PPARGC1A: variants seen among roughly 807,000 people sequenced by gnomAD.
The protein encoded by PPARGC1A is PPARG coactivator 1 alpha.
Under a neutral mutation model 88.7 loss-of-function variants are expected in PPARGC1A, and 25 were observed. The ratio of observed to expected loss-of-function variants is 0.28; its 90% confidence interval spans 0.21 to 0.39. The LOEUF is 0.39. Among genes scored for constraint, PPARGC1A ranks in the 10% least tolerant of loss-of-function variants. The pLI, the probability that PPARGC1A is intolerant of heterozygous loss-of-function variation, is 1.00. For synonymous variants in PPARGC1A, 363 were observed against 355.6 expected (o/e 1.02, Z -0.24); for missense variants, 880 against 968.7 (o/e 0.91, Z 1.22).
chr4:24,252,438 C>A, the PPARGC1A span, among the ~76,000 whole-genome samples: 1 of 152,336 alleles, frequency 6.6e-6, no homozygotes, highest in East Asian at 1.9e-4. Flanking sequence ...ACCTCTCCCA[C>A]CCTTTGAGTT....
chr4:24,373,261 G>A, the PPARGC1A span, among the ~76,000 whole-genome samples: 1 of 152,332 alleles, frequency 6.6e-6, no homozygotes, highest in Admixed American at 6.5e-5. Context: ...TGCAGCAGAT[G>A]GAGGAGGAAA....
chr4:24,214,688 C>T, the PPARGC1A span, among the ~76,000 whole-genome samples: 7 of 152,004 alleles, frequency 4.6e-5, no homozygotes, highest in Non-Finnish European at 8.8e-5. Context: ...TGTGGTGTGT[C>T]GAAGGCCATT....
At chr4:24,175,127 G>C in the PPARGC1A span, among the ~76,000 whole-genome samples, 1 of 152,138 alleles carries the variant, frequency 6.6e-6, no homozygotes, top group Non-Finnish European at 1.5e-5. Context: ...TGTTGGGTAA[G>C]AATGCCATTA....
chr4:24,104,853 C>T, the PPARGC1A span, among the ~76,000 whole-genome samples: 21 of 152,178 alleles, frequency 1.4e-4, no homozygotes, highest in Admixed American at 2.6e-4. Flanking sequence ...TCACACGGTA[C>T]TTAAAAATGT....
chr4:24,377,285 G>A, the PPARGC1A span, among the ~76,000 whole-genome samples: 1 of 152,038 alleles, frequency 6.6e-6, no homozygotes, highest in Non-Finnish European at 1.5e-5. Context: ...AGCCCAGAGT[G>A]GGGCAGCGGG....
At chr4:24,135,903 A>T in the PPARGC1A span, among the ~76,000 whole-genome samples, 3 of 152,146 alleles carry the variant, frequency 2.0e-5, no homozygotes, top group East Asian at 5.8e-4. Flanking sequence ...GCGTTTAAAC[A>T]CCACAGGAGG....
chr4:24,454,201 C>CTG, the PPARGC1A span, among the ~76,000 whole-genome samples: 2 of 151,102 alleles, frequency 1.3e-5, no homozygotes, highest in South Asian at 4.2e-4. Context: ...CATAAGTGAA[C>CTG]CCAGCTGAGT....
the PPARGC1A span, among the ~76,000 whole-genome samples, chr4:23,941,174 C>T: frequency 6.6e-6 from 1 of 152,134 alleles, no homozygotes; most frequent in African/African-American, 2.4e-5. Flanking sequence ...ACCTTAGCCT[C>T]CCACGTAGCT....
chr4:23,880,953 G>T lies in PPARGC1A; in HGVS notation c.234+3799C>A, dbSNP rs187310230. The T allele has an allele frequency of 6.6e-5, 10 of 152,340 alleles. No homozygotes were observed. In the East Asian group the frequency reaches 1.9e-3, roughly 29 times the overall value. 9.4% of individuals were successfully genotyped at this position (152,340 alleles called of 1,614,324 possible). Reference sequence around the variant, plus strand: ...AGAAGTAACAGACGAATGAATGAAAGATGCCCATTCAGTTGTATCATGGAG... The same window carrying T: ...AGAAGTAACAGACGAATGAATGAAATATGCCCATTCAGTTGTATCATGGAG... On this transcript the variant is annotated intron_variant, in intron 2 of 12. Coordinates refer to ENST00000264867, the MANE Select transcript of PPARGC1A (RefSeq NM_013261.5).
chr4:23,799,929 T>G lies in PPARGC1A; in HGVS notation c.2293+1801A>C, dbSNP rs1408614052. 7.2e-5 allele frequency among the ~76,000 whole-genome samples: 11 copies of G among 152,324 alleles called. 1 individual carries two copies. In the East Asian group the frequency reaches 2.1e-3, roughly 29 times the overall value. ...AGACTTCAATCCGTCTTGACTGTTT[T>G]TATCAGCCAACATTTGAACAAATGA... On this transcript the variant is annotated intron_variant, in intron 12 of 12. Coordinates refer to ENST00000264867, the MANE Select transcript of PPARGC1A (RefSeq NM_013261.5).
At chr4:24,115,292 A>G in the PPARGC1A span, among the ~76,000 whole-genome samples, 2 of 152,216 alleles carry the variant, frequency 1.3e-5, no homozygotes, top group African/African-American at 4.8e-5. Flanking sequence ...TAAAAAATTC[A>G]GAAGAAATGT....
the PPARGC1A span, among the ~76,000 whole-genome samples, chr4:24,186,051 T>C: frequency 6.6e-6 from 1 of 152,096 alleles, no homozygotes; most frequent in Non-Finnish European, 1.5e-5. Context: ...GCAAGTTCAA[T>C]TTGAATGTTC....
At chr4:23,979,153 T>C in the PPARGC1A span, among the ~76,000 whole-genome samples, 3 of 152,222 alleles carry the variant, frequency 2.0e-5, no homozygotes, top group African/African-American at 7.2e-5. Flanking sequence ...TATGTAATTA[T>C]TGAAGAACAC....
At chr4:24,301,417 G>A in the PPARGC1A span, among the ~76,000 whole-genome samples, 1 of 152,034 alleles carries the variant, frequency 6.6e-6, no homozygotes, top group African/African-American at 2.4e-5. Flanking sequence ...ATAGCCCTAT[G>A]GGGTAGGTAA....
intron 2 of PPARGC1A, among the ~76,000 whole-genome samples, chr4:23,842,023 A>C (rs1423942973): frequency 6.6e-6 from 1 of 151,916 alleles, no homozygotes; most frequent in East Asian, 1.9e-4. Context: ...TATCATTCTC[A>C]CTCCCTTTCT....
chr4:24,186,398 T>C, the PPARGC1A span, among the ~76,000 whole-genome samples: 1 of 152,156 alleles, frequency 6.6e-6, no homozygotes, highest in Non-Finnish European at 1.5e-5. Context: ...CTTCTAGTTA[T>C]TAATAACATG....
chr4:23,801,715 C>G lies in PPARGC1A; in HGVS notation c.2293+15G>C, dbSNP rs1230335616. The G allele has an allele frequency of 6.2e-7, 1 of 1,613,486 alleles. No individual in the cohort carries two copies. The highest frequency in any genetic ancestry group is 8.5e-7 in the Non-Finnish European group (1 of 1,179,670). On this transcript the variant is annotated intron_variant, in intron 12 of 12. Transcript: ENST00000264867. ...CATTATGGATTCCTCATTCCACGTA[C>G]AATAAAATCCATACCTAGGTCTGCA...
chr4:24,058,849 G>T, the PPARGC1A span, among the ~76,000 whole-genome samples: 1 of 152,178 alleles, frequency 6.6e-6, no homozygotes, highest in Non-Finnish European at 1.5e-5. Flanking sequence ...GGAGGCTGAG[G>T]CAGGAGAATC....
At chr4:24,377,980 T>C in the PPARGC1A span, among the ~76,000 whole-genome samples, 12 of 152,326 alleles carry the variant, frequency 7.9e-5, no homozygotes, top group African/African-American at 2.6e-4. Flanking sequence ...TAAGATAATC[T>C]GTAATTTACG....
Sources: allele counts gnomAD v4.1 joint callset (sites outside exome capture counted in the v4.1 genomes callset), GRCh38; gene constraint gnomAD v4.1.1; transcripts MANE v1.5; gene names NCBI Gene and HGNC (gene_info 2026-07-23, HGNC 2026-07-21).